RNF144A: variants seen among roughly 807,000 people sequenced by gnomAD.
RNF144A encodes E3 ubiquitin-protein ligase RNF144A.
A neutral mutation model predicts 38.7 loss-of-function variants in RNF144A; 11 were observed. The ratio of observed to expected loss-of-function variants is 0.28; its 90% CI spans 0.18 to 0.47. The LOEUF is 0.47. Ranked by LOEUF, RNF144A falls within the 20% of genes least tolerant of loss-of-function variation. The pLI, the probability that RNF144A is intolerant of heterozygous loss-of-function variation, is 0.99. For synonymous variants in RNF144A, 149 were observed against 143.9 expected, an observed-to-expected ratio of 1.04 and a Z score of -0.25; for missense variants, 316 against 377.2, an observed-to-expected ratio of 0.84 and a Z score of 1.34.
intron 5 of RNF144A, among the ~76,000 whole-genome samples, chr2:7,018,051 C>T (rs755239279): frequency 6.6e-6 from 1 of 152,188 alleles, no homozygotes; most frequent in African/African-American, 2.4e-5. Flanking sequence ...GCATCCCCCA[C>T]TGTTGAGCCA....
intron 8 of RNF144A, among the ~76,000 whole-genome samples, chr2:7,038,295 C>T (rs1483367696): frequency 1.3e-5 from 2 of 152,182 alleles, no homozygotes; most frequent in Non-Finnish European, 2.9e-5. Flanking sequence ...ATCTCAGCCA[C>T]CTGCCATTGG....
At chr2:7,014,077 G>A (rs1266543232) in intron 3 of RNF144A, among the ~76,000 whole-genome samples, 1 of 152,220 alleles carries the variant, frequency 6.6e-6, no homozygotes, top group African/African-American at 2.4e-5. Context: ...GAAAGACTGA[G>A]AGATAAAATA....
At chr2:6,980,151 A>G (rs1437384685) in intron 2 of RNF144A, among the ~76,000 whole-genome samples, 1 of 152,166 alleles carries the variant, frequency 6.6e-6, no homozygotes, top group African/African-American at 2.4e-5. Flanking sequence ...TTACAATTTG[A>G]CATGAGGATT....
At chr2:7,024,203 T>A (rs567405565) in intron 6 of RNF144A, among the ~76,000 whole-genome samples, 166 bp from the exon 7 acceptor site, 1 of 152,364 alleles carries the variant, frequency 6.6e-6, no homozygotes, top group East Asian at 1.9e-4. Flanking sequence ...AATTTTTTTT[T>A]TCTGGAGTTT....
chr2:6,938,880 C>G (rs958199886), intron 1 of RNF144A, among the ~76,000 whole-genome samples: 1 of 152,134 alleles, frequency 6.6e-6, no homozygotes, highest in Admixed American at 6.5e-5. Flanking sequence ...ACAATGTTTT[C>G]AGCATTTACC....
At chr2:7,032,381 G>A (rs1433945428) in intron 8 of RNF144A, among the ~76,000 whole-genome samples, 1 of 152,280 alleles carries the variant, frequency 6.6e-6, no homozygotes, top group African/African-American at 2.4e-5. Context: ...TCGAATCCGC[G>A]CCCCTTGCAG....
chr2:6,930,528 T>C (rs1448732051), intron 1 of RNF144A, among the ~76,000 whole-genome samples: 1 of 152,016 alleles, frequency 6.6e-6, no homozygotes, highest in East Asian at 1.9e-4. Context: ...TATGGGTATA[T>C]ATATAATATA....
intron 2 of RNF144A, among the ~76,000 whole-genome samples, chr2:6,984,594 A>C (rs1168644140): frequency 1.3e-5 from 2 of 151,870 alleles, no homozygotes; most frequent in African/African-American, 2.4e-5. Flanking sequence ...GAGCCACCGC[A>C]CTCGGCCCCA....
intron 3 of RNF144A, among the ~76,000 whole-genome samples, chr2:7,009,139 C>A (rs542000381): frequency 6.6e-6 from 1 of 152,034 alleles, no homozygotes; most frequent in South Asian, 2.1e-4. Context: ...ACACAGCATG[C>A]GGGCTGGAAG....
chr2:6,935,972 A>G (rs972659783), intron 1 of RNF144A, among the ~76,000 whole-genome samples: 2 of 152,070 alleles, frequency 1.3e-5, no homozygotes, highest in African/African-American at 2.4e-5. Flanking sequence ...CCTTTCTCCC[A>G]TCAGATGCTT....
At chr2:7,050,611 T>C (rs1673482764) in intron 6 of RNF144A, among the ~76,000 whole-genome samples, 1 of 152,226 alleles carries the variant, frequency 6.6e-6, no homozygotes, top group Non-Finnish European at 1.5e-5. Flanking sequence ...GTGATGCTTC[T>C]GTTGAAAACC....
chr2:7,015,213 A>G (rs530527485), intron 5 of RNF144A, among the ~76,000 whole-genome samples: 1 of 152,342 alleles, frequency 6.6e-6, no homozygotes, highest in East Asian at 1.9e-4. Context: ...GTCCGATGGT[A>G]GGTGTCCTGT....
At position 6,945,911 on chromosome 2, in the gene RNF144A, T is replaced by TG. The variant is rs1169433149; in HGVS notation, c.-12+4768dup. On this transcript the variant is annotated intron_variant, in intron 2 of 8. Transcript: ENST00000320892. ...AACCTGGGCCCTGGAACAGCAGGGC[T>TG]GGGGAGCCCCTTGGAGCCTGGAGTC... Among the ~76,000 whole-genome samples, 7 of 152,250 alleles carry TG rather than the reference T, an allele frequency of 4.6e-5. No individual in the cohort carries two copies. The East Asian group carries it at 1.4e-3, about 29-fold the overall frequency.
At chr2:6,961,543 G>A (rs572213524) in intron 2 of RNF144A, among the ~76,000 whole-genome samples, 53 of 152,272 alleles carry the variant, frequency 3.5e-4, no homozygotes, top group African/African-American at 1.2e-3. Context: ...TTGGAGAGAT[G>A]AGACATGCAT....
At chr2:7,057,812 G>A (rs1026968261) in intron 6 of RNF144A, among the ~76,000 whole-genome samples, 3 of 150,874 alleles carry the variant, frequency 2.0e-5, no homozygotes, top group African/African-American at 7.5e-5. Flanking sequence ...AAAAATCTTG[G>A]TATATTTTCT....
rs1343874134 is a variant in RNF144A, at chr2:7,014,784, G to A, written c.301+12G>A. The A allele has an allele frequency of 3.1e-6, 5 of 1,592,218 alleles. No homozygotes were observed. Among genetic ancestry groups the A allele is most frequent in the East Asian group, 2.2e-5 (1 of 44,800 alleles). Reference sequence around the variant, plus strand: ...ACAATTTGAAAGAGGTAGGTGCCTGGTATATCTGCCGGTTATGATTCCTGT... The same window carrying A: ...ACAATTTGAAAGAGGTAGGTGCCTGATATATCTGCCGGTTATGATTCCTGT... On this transcript the variant is annotated intron_variant, in intron 5 of 8. Transcript: ENST00000320892.
intron 3 of RNF144A, among the ~76,000 whole-genome samples, chr2:7,009,127 A>G (rs934229569): frequency 2.6e-5 from 4 of 152,230 alleles, no homozygotes; most frequent in Non-Finnish European, 5.9e-5. Context: ...CAGGAGACCC[A>G]TACACAGCAT....
chr2:7,033,535 G>A (rs1672462612), intron 8 of RNF144A, among the ~76,000 whole-genome samples: 1 of 152,188 alleles, frequency 6.6e-6, no homozygotes, highest in Non-Finnish European at 1.5e-5. Flanking sequence ...CTTTGCCCTG[G>A]CCGTTGCTGC....
At chr2:6,952,610 T>C (rs1666756646) in intron 2 of RNF144A, among the ~76,000 whole-genome samples, 3 of 150,206 alleles carry the variant, frequency 2.0e-5, no homozygotes, top group African/African-American at 7.3e-5. Context: ...ATATATGTTA[T>C]ATATAAAAAA....
Sources: allele counts gnomAD v4.1 joint callset (sites outside exome capture counted in the v4.1 genomes callset), GRCh38; gene constraint gnomAD v4.1.1; transcripts MANE v1.5; gene names NCBI Gene and HGNC (gene_info 2026-07-23, HGNC 2026-07-21).